CACNB2: variants seen among roughly 807,000 people sequenced by gnomAD.
The protein encoded by CACNB2 is calcium voltage-gated channel auxiliary subunit beta 2.
CACNB2 carries 42 observed loss-of-function variants against 73.3 expected under a neutral mutation model. That is an observed-to-expected ratio of 0.57 (90% CI 0.45 to 0.74). CACNB2 has a LOEUF of 0.74. Ranked by LOEUF, CACNB2 falls within the 30% of genes least tolerant of loss-of-function variation. The pLI, the probability that CACNB2 is intolerant of heterozygous loss-of-function variation, is 0.00. For synonymous variants in CACNB2, 348 were observed against 310.3 expected, an observed-to-expected ratio of 1.12 and a Z score of -1.28; for missense variants, 940 against 853.0, an observed-to-expected ratio of 1.10 and a Z score of -1.27.
At position 18,443,887 on chromosome 10, in the gene CACNB2, G is replaced by A. The variant is rs148855369; in HGVS notation, c.333+41844G>A. Among the ~76,000 whole-genome samples, 1,233 of 152,080 alleles carry A rather than the reference G, an allele frequency of 8.1e-3. 15 individuals carry two copies. The highest frequency in any genetic ancestry group is 0.028 in the African/African-American group (1,177 of 41,492). ...CTGCCGCCACACCTAGCTAATTTTT[G>A]TATTTTTAATAGAGACGAGGTTTCG... On this transcript the variant is annotated intron_variant, in intron 3 of 13. Transcript: ENST00000324631.
intron 2 of CACNB2, among the ~76,000 whole-genome samples, chr10:18,349,436 G>T (rs892561933): frequency 3.9e-5 from 6 of 152,162 alleles, no homozygotes; most frequent in Non-Finnish European, 7.3e-5. Context: ...TCTGCTTTTA[G>T]GCTGAGAAAA....
chr10:18,346,408 G>T (rs1288422666), intron 2 of CACNB2, among the ~76,000 whole-genome samples: 1 of 152,116 alleles, frequency 6.6e-6, no homozygotes, highest in South Asian at 2.1e-4. Flanking sequence ...AAAGTGCTGG[G>T]ATTACGGGCG....
At chr10:18,357,882 C>T (rs993905278) in intron 2 of CACNB2, among the ~76,000 whole-genome samples, 4 of 152,144 alleles carry the variant, frequency 2.6e-5, no homozygotes, top group South Asian at 2.1e-4. Flanking sequence ...CTGGAACACT[C>T]CTTTTGGGGA....
chr10:18,516,662 T>C (rs1371649779), intron 7 of CACNB2, among the ~76,000 whole-genome samples: 1 of 152,270 alleles, frequency 6.6e-6, no homozygotes, highest in African/African-American at 2.4e-5. Flanking sequence ...TCATTCTTCT[T>C]ATGTTATTGA....
At chr10:18,344,714 G>T (rs908857104) in intron 2 of CACNB2, among the ~76,000 whole-genome samples, 9 of 152,232 alleles carry the variant, frequency 5.9e-5, no homozygotes, top group African/African-American at 9.6e-5. Context: ...GAAGAAATTG[G>T]CTGGGGGCAG....
chr10:18,220,228 TATATAGAGAGAGAGAG>T (rs1253251774), intron 2 of CACNB2, among the ~76,000 whole-genome samples: 9 of 40,942 alleles, frequency 2.2e-4, no homozygotes, highest in East Asian at 9.2e-4. Flanking sequence ...TATATATATA[TATATAGAGAGAGAGAG>T]AGAGAGAGAG....
chr10:18,401,371 G>T (rs2043986454), intron 2 of CACNB2, among the ~76,000 whole-genome samples: 1 of 152,168 alleles, frequency 6.6e-6, no homozygotes, highest in Non-Finnish European at 1.5e-5. Flanking sequence ...GCTGGAAGAT[G>T]GAGTGAAGTT....
At chr10:18,299,962 C>T (rs1437097123) in intron 2 of CACNB2, among the ~76,000 whole-genome samples, 1 of 152,016 alleles carries the variant, frequency 6.6e-6, no homozygotes, top group Non-Finnish European at 1.5e-5. Flanking sequence ...AATTTCCGAC[C>T]CTGTTCTCCA....
intron 2 of CACNB2, among the ~76,000 whole-genome samples, chr10:18,181,568 TTTTA>T (rs1211488222): frequency 9.8e-5 from 1 of 10,164 alleles, no homozygotes; most frequent in African/African-American, 4.2e-4. Flanking sequence ...AACTTTTTTA[TTTTA>T]TTTTATTTTA....
chr10:18,442,927 T>C (rs534828450), intron 3 of CACNB2, among the ~76,000 whole-genome samples: 2 of 50,104 alleles, frequency 4.0e-5, no homozygotes, highest in Admixed American at 2.2e-4. Flanking sequence ...TATATATATG[T>C]ATATATATAT....
rs976311358 is a variant in CACNB2 at position 18,380,401 on chromosome 10, C to A, written c.214-21523C>A. ...GGAACTATTTTAAGAATAAATTCTT[C>A]TTTACTTTCTAAAGTAAATGAGAAA... On this transcript the variant is annotated intron_variant, in intron 2 of 13. Transcript: ENST00000324631. Among the ~76,000 whole-genome samples, 106 of 147,390 alleles carry A rather than the reference C, an allele frequency of 7.2e-4. 2 individuals are homozygous for A. Among genetic ancestry groups the A allele is most frequent in the African/African-American group, 2.5e-3 (99 of 40,090 alleles).
chr10:18,447,685 G>A (rs543184434), intron 3 of CACNB2, among the ~76,000 whole-genome samples: 180 of 151,514 alleles, frequency 1.2e-3, no homozygotes, highest in Non-Finnish European at 2.1e-3. Flanking sequence ...GGTAGGTGTG[G>A]AAGCCCAATT....
intron 3 of CACNB2, among the ~76,000 whole-genome samples, chr10:18,438,558 G>A (rs560475980): frequency 5.9e-5 from 9 of 152,270 alleles, no homozygotes; most frequent in African/African-American, 1.9e-4. Flanking sequence ...TGTTTACCCT[G>A]CGTGCCGCCA....
At chr10:18,433,873 TTTGTTGTTGTTGTTGTTG>T (rs143561512) in intron 3 of CACNB2, among the ~76,000 whole-genome samples, 14 of 150,036 alleles carry the variant, frequency 9.3e-5, no homozygotes, top group Non-Finnish European at 1.5e-4. Context: ...TAAATCAGAT[TTTGTTGTTGTTGTTGTTG>T]TTGTTGTTGT....
chr10:18,535,375 T>C (rs1360367606), intron 11 of CACNB2, among the ~76,000 whole-genome samples: 1 of 152,134 alleles, frequency 6.6e-6, no homozygotes, highest in Admixed American at 6.6e-5. Context: ...AAACATGACA[T>C]TGCAGCAGGT....
rs1651436645 is a variant in CACNB2 at position 18,487,957 on chromosome 10, A to C, written c.334-10398A>C. On this transcript the variant is annotated intron_variant, in intron 3 of 13. Transcript: ENST00000324631. ...TGCTGCAGCGACCCTAGTTTTACAG[A>C]GGGAATAAAAAGTCATGCAAATTGT... 2.0e-5 allele frequency among the ~76,000 whole-genome samples: 3 copies of C among 151,696 alleles called. No homozygotes were observed. The South Asian group carries it at 6.3e-4, about 32-fold the overall frequency.
intron 2 of CACNB2, among the ~76,000 whole-genome samples, chr10:18,221,911 C>A (rs1427139145): frequency 6.6e-6 from 1 of 152,068 alleles, no homozygotes; most frequent in Non-Finnish European, 1.5e-5. Flanking sequence ...AGCATTGGCC[C>A]AATTGGTATT....
chr10:18,418,582 C>T (rs551349643), intron 3 of CACNB2, among the ~76,000 whole-genome samples: 1 of 152,282 alleles, frequency 6.6e-6, no homozygotes, highest in Admixed American at 6.5e-5. Context: ...TGAGTCTTGG[C>T]CAATCCCAGC....
chr10:18,377,677 C>T (rs554670058), intron 2 of CACNB2, among the ~76,000 whole-genome samples: 23 of 152,238 alleles, frequency 1.5e-4, no homozygotes, highest in Middle Eastern at 3.4e-3. Context: ...CAACTTAGGC[C>T]CATGAGCTAT....
Sources: allele counts gnomAD v4.1 joint callset (sites outside exome capture counted in the v4.1 genomes callset), GRCh38; gene constraint gnomAD v4.1.1; transcripts MANE v1.5; gene names NCBI Gene and HGNC (gene_info 2026-07-23, HGNC 2026-07-21).